The following ENTPD5 variants were observed in gnomAD, a reference collection of about 807,000 sequenced individuals.
The protein encoded by ENTPD5 is nucleoside diphosphate phosphatase ENTPD5.
A neutral mutation model predicts 60.2 loss-of-function variants in ENTPD5; 49 were observed. The ratio of observed to expected loss-of-function variants is 0.81; its 90% CI spans 0.65 to 1.03. The LOEUF is 1.03. Among genes scored for constraint, ENTPD5 ranks in the 50% least tolerant of loss-of-function variants. The probability of loss-of-function intolerance (pLI) is 0.00; values close to 1 mark genes in which losing one functional copy is unlikely to be tolerated. For missense variants in ENTPD5, 480 were observed against 507.6 expected (o/e 0.95, Z 0.52); for synonymous variants, 187 against 185.4 (o/e 1.01, Z -0.07).
chr14:74,017,523 A>G (rs1471527811), intron 1 of ENTPD5, among the ~76,000 whole-genome samples: 9 of 139,714 alleles, frequency 6.4e-5, no homozygotes, highest in South Asian at 2.3e-4. Flanking sequence ...GGTTGCGGTG[A>G]GCCGAGATCG....
intron 3 of ENTPD5, among the ~76,000 whole-genome samples, chr14:73,997,022 C>A (rs966559559): frequency 3.3e-5 from 5 of 152,072 alleles, no homozygotes; most frequent in South Asian, 4.1e-4. Context: ...GAAATGCACA[C>A]AAAGTGCTCT....
At chr14:73,959,227 A>G, downstream of ENTPD5, 1 of 1,614,212 alleles carries the variant, frequency 6.2e-7, no homozygotes, top group Non-Finnish European at 8.5e-7. Context: ...TGCTCCCGGT[A>G]AGAGGTCCTT....
chr14:73,996,665 T>C (rs1484639555), intron 3 of ENTPD5: 1 of 152,342 alleles, frequency 6.6e-6, no homozygotes, highest in African/African-American at 2.4e-5. Context: ...AAAACAGGGC[T>C]GGGCACAGTG....
chr14:73,969,688 G>C (rs1252713655), intron 15 of ENTPD5, among the ~76,000 whole-genome samples: 1 of 151,348 alleles, frequency 6.6e-6, no homozygotes, highest in Admixed American at 6.7e-5. Context: ...CAGGAAACAA[G>C]AGCGAGACTC....
intron 11 of ENTPD5, among the ~76,000 whole-genome samples, chr14:73,974,519 G>A (rs971903196): frequency 6.6e-6 from 1 of 152,188 alleles, no homozygotes; most frequent in Admixed American, 6.5e-5. Flanking sequence ...ACCCAGTTCT[G>A]CCTGACCTGT....
At chr14:73,991,587 TA>T (rs71460938) in intron 3 of ENTPD5, among the ~76,000 whole-genome samples, 12,461 of 60,650 alleles carry the variant, frequency 0.21, 624 homozygotes, top group Admixed American at 0.3. Context: ...GAATCTGTCT[TA>T]AAAAAAAAAA....
intron 3 of ENTPD5, among the ~76,000 whole-genome samples, chr14:73,999,773 C>T (rs1820296962): frequency 6.6e-6 from 1 of 150,928 alleles, no homozygotes; most frequent in Non-Finnish European, 1.5e-5. Flanking sequence ...GACTGGGCAA[C>T]AGGGCGAGAC....
chr14:74,016,598 T>G (rs1404134085), intron 1 of ENTPD5, among the ~76,000 whole-genome samples: 1 of 152,220 alleles, frequency 6.6e-6, no homozygotes, highest in South Asian at 2.1e-4. Context: ...ATCCTGCCAC[T>G]GTACTCCAGC....
downstream of ENTPD5, chr14:73,955,493 C>G: frequency 6.2e-7 from 1 of 1,614,070 alleles, no homozygotes; most frequent in African/African-American, 1.3e-5. Flanking sequence ...AGATACAGAG[C>G]CTTTCGGCGA....
At position 73,970,046 on chromosome 14, in the gene ENTPD5, C is replaced by CT. The variant is rs2057153389; in HGVS notation, c.1163dup (p.Asp389GlyfsTer89). 1 of 1,613,842 alleles carries CT rather than the reference C, an allele frequency of 6.2e-7. No individual in the cohort carries two copies. Among genetic ancestry groups the CT allele is most frequent in the African/African-American group, 1.3e-5 (1 of 74,922 alleles). The stretch of plus-strand genomic sequence containing the variant: ...TGCTGTCTGCAAAGCCAAAGCCATC[C>CT]TTTAACAGGGCTGTGATGTAGCTGA... On this transcript the variant is annotated frameshift_variant, in exon 15 of 16. Coordinates refer to ENST00000334696, the MANE Select transcript of ENTPD5 (RefSeq NM_001249.5). LOFTEE classifies it high-confidence loss of function.
In ENTPD5 at chr14:73,983,114, G is replaced by T. The variant is rs553003264; in HGVS notation, c.345C>A (p.Ile115=). Residue 115 remains isoleucine, a synonymous_variant, in exon 6 of 16, where the codon ATC becomes ATA. Coordinates refer to ENST00000334696, the MANE Select transcript of ENTPD5 (RefSeq NM_001249.5). ...QGLLEVAKDS[I]PRSHWKKTPV... ...GGGTCTTTTTCCAGTGACTTCGGGG[G>T]ATTGAGTCTTTGGCCACCTCTAAGA... 63 of 1,614,120 alleles carry T rather than the reference G, an allele frequency of 3.9e-5. No individual in the cohort carries two copies. Among genetic ancestry groups the T allele is most frequent in the South Asian group, 1.1e-5 (1 of 91,074 alleles).
At chr14:74,006,845 A>G (rs1035334884) in intron 3 of ENTPD5, among the ~76,000 whole-genome samples, 6 of 152,090 alleles carry the variant, frequency 3.9e-5, no homozygotes, top group Non-Finnish European at 8.8e-5. Context: ...TCAGTCTCCC[A>G]AAGCATTAGG....
At chr14:73,984,156 T>C (rs560820577) in intron 5 of ENTPD5, among the ~76,000 whole-genome samples, 189 of 152,250 alleles carry the variant, frequency 1.2e-3, no homozygotes, top group African/African-American at 4.5e-3. Context: ...GCCTCCTGAG[T>C]AGCTGGGATT....
At position 73,972,977 on chromosome 14, in the gene ENTPD5, G is replaced by C. The variant is rs142194519; in HGVS notation, c.934C>G (p.Arg312Gly). 6.2e-7 allele frequency: 1 copy of C among 1,614,138 alleles called. No individual in the cohort carries two copies. The highest frequency in any genetic ancestry group is 1.1e-5 in the South Asian group (1 of 91,084). Residue 312 changes from arginine to glycine, a missense_variant, in exon 13 of 16, where the codon CGA becomes GGA. Transcript: ENST00000334696. ...TCCTCTGGCTGGTGAAGTTTTCCTC[G>C]TACCACCCTCAGCACTTCGGCATAG... ...PCYAEVLRVV[R>G]GKLHQPEEVQ...
At chr14:73,990,185 T>G (rs1000722346) in intron 3 of ENTPD5, among the ~76,000 whole-genome samples, 1 of 151,948 alleles carries the variant, frequency 6.6e-6, no homozygotes, top group Non-Finnish European at 1.5e-5. Flanking sequence ...ACCCTGTCTC[T>G]AAAAATAAAA....
chr14:73,961,407 T>C (rs377152740), downstream of ENTPD5: 18 of 1,613,808 alleles, frequency 1.1e-5, no homozygotes, highest in African/African-American at 2.3e-4. Flanking sequence ...GCCACTCCCT[T>C]CTCACTTTGC....
chr14:73,970,928 C>A (rs112494341), intron 14 of ENTPD5, among the ~76,000 whole-genome samples: 3,799 of 151,824 alleles, frequency 0.025, 165 homozygotes, highest in African/African-American at 0.088. Context: ...TGGGTTCACA[C>A]GATCCTCCTG....
chr14:74,018,223 G>A (rs1222084546), intron 1 of ENTPD5, among the ~76,000 whole-genome samples: 1 of 151,132 alleles, frequency 6.6e-6, no homozygotes, highest in Non-Finnish European at 1.5e-5. Flanking sequence ...TTACCAAATC[G>A]GCATGTTCCC....
chr14:74,003,302 GAGCGTCCA>G (rs2058566689), intron 3 of ENTPD5: 1 of 426,746 alleles, frequency 2.3e-6, no homozygotes, highest in East Asian at 5.3e-5. Flanking sequence ...GAACCTAGAA[GAGCGTCCA>G]AGGTGGAATT....
Sources: gnomAD v4.1 joint callset for allele counts (sites outside exome capture counted in the v4.1 genomes callset) on GRCh38, gnomAD v4.1.1 for gene constraint, MANE v1.5 for transcripts, NCBI Gene and HGNC (gene_info 2026-07-23, HGNC 2026-07-21) for gene names.